The following GSN variants were observed in gnomAD, a reference collection of about 807,000 sequenced individuals.
GSN encodes the protein gelsolin, also known as actin-depolymerizing factor.
GSN carries 56 observed loss-of-function variants against 85.7 expected under a neutral mutation model. The observed-to-expected ratio is 0.65, with a 90% confidence interval of 0.53 to 0.82. GSN has a LOEUF of 0.82. Ranked by LOEUF, GSN falls within the 40% of genes least tolerant of loss-of-function variation. GSN has a pLI of 0.00. For synonymous variants in GSN, 373 were observed against 399.1 expected (o/e 0.93, Z 0.78); for missense variants, 857 against 979.8 (o/e 0.87, Z 1.67).
chr9:121,241,668 T>C (rs551214653), intron 5 of GSN, among the ~76,000 whole-genome samples: 35 of 152,348 alleles, frequency 2.3e-4, no homozygotes, highest in African/African-American at 8.2e-4. Flanking sequence ...TATTCTTCCA[T>C]GATGCCAGAT....
chr9:121,326,345 C>T (rs1234359675), intron 12 of GSN, among the ~76,000 whole-genome samples, 167 bp from the exon 13 acceptor site: 1 of 152,016 alleles, frequency 6.6e-6, no homozygotes, highest in African/African-American at 2.4e-5. Flanking sequence ...CTGTCTCCAC[C>T]CTTCCTGGAA....
At chr9:121,310,631 C>T in intron 4 of GSN, 53 bp from the exon 5 acceptor site, 1 of 1,577,538 alleles carries the variant, frequency 6.3e-7, no homozygotes, top group South Asian at 1.1e-5. Context: ...TCTTCCATAT[C>T]TGCTTCCCTG....
intron 4 of GSN, among the ~76,000 whole-genome samples, chr9:121,227,274 A>G (rs967688576): frequency 1.3e-5 from 2 of 152,046 alleles, no homozygotes; most frequent in Non-Finnish European, 2.9e-5. Flanking sequence ...CGTGCCTGTA[A>G]TCCCAGCTAC....
At chr9:121,280,532 C>A (rs1160054691) in intron 1 of GSN, 2 of 152,204 alleles carry the variant, frequency 1.3e-5, no homozygotes, top group East Asian at 3.8e-4. Flanking sequence ...TGCTGAGGTA[C>A]AGAGCTGCGA....
At position 121,299,395 on chromosome 9, in the gene GSN, A is replaced by G; in HGVS notation, c.-9-2568A>G. On this transcript the variant is annotated intron_variant, in intron 2 of 17. Coordinates refer to ENST00000432226, the MANE Select transcript of GSN (RefSeq NM_198252.3). This position sits in a 1 kb window ranked among gnomAD's most constrained non-coding sequence, Gnocchi z 4.2. ...CAAGCTGTGTGCAAGTTGCTTCACC[A>G]CTCTGCGCTGTTCCCCCCTCTGTAA... The G allele has an allele frequency of 1.0e-6, 1 of 974,122 alleles. No homozygotes were observed. Among genetic ancestry groups the G allele is most frequent in the Non-Finnish European group, 1.2e-6 (1 of 819,876 alleles). The allele number at this position is 974,122 out of a possible 1,614,324, so 60.3% of individuals were successfully genotyped here. A position where few individuals can be genotyped will look rare whatever the true frequency, so the allele number is the denominator to read the frequency against.
intron 5 of GSN, among the ~76,000 whole-genome samples, chr9:121,235,220 G>A (rs994062280): frequency 2.0e-5 from 3 of 152,218 alleles, no homozygotes; most frequent in African/African-American, 4.8e-5. Context: ...CCAGAGAAAA[G>A]TCGTGAGTTT....
chr9:121,304,650 T>C (rs559855223), intron 4 of GSN, among the ~76,000 whole-genome samples: 6 of 152,334 alleles, frequency 3.9e-5, no homozygotes, highest in African/African-American at 1.4e-4. Context: ...CACCAGCTCA[T>C]TGTTGCTACA....
intron 11 of GSN, 26 bp from the exon 12 acceptor site, chr9:121,324,528 A>C: frequency 8.1e-7 from 1 of 1,234,598 alleles, no homozygotes; most frequent in African/African-American, 1.5e-5. Context: ...GTGCACCCTG[A>C]TGCTGAATCT....
chr9:121,271,637 G>A (rs2055975847), intron 1 of GSN, among the ~76,000 whole-genome samples: 1 of 152,160 alleles, frequency 6.6e-6, no homozygotes, highest in Non-Finnish European at 1.5e-5. Flanking sequence ...AGGAGAACTG[G>A]TAAGGGAGTT....
At chr9:121,271,971 A>G (rs1588574266) in intron 1 of GSN, among the ~76,000 whole-genome samples, 1 of 152,376 alleles carries the variant, frequency 6.6e-6, no homozygotes, top group Admixed American at 6.5e-5. Flanking sequence ...CTCCTTGGTT[A>G]TTCCCTGAGA....
At chr9:121,287,066 T>A (rs906634376) in intron 2 of GSN, among the ~76,000 whole-genome samples, 1 of 152,076 alleles carries the variant, frequency 6.6e-6, no homozygotes, top group African/African-American at 2.4e-5. Context: ...AGACTCCAAG[T>A]CTTGGAGCCT....
At chr9:121,268,616 G>A (rs1193894289) in intron 1 of GSN, among the ~76,000 whole-genome samples, 3 of 152,166 alleles carry the variant, frequency 2.0e-5, no homozygotes, top group Non-Finnish European at 4.4e-5. Flanking sequence ...TGACTCTGCT[G>A]GGGAGTCCAC....
intron 5 of GSN, among the ~76,000 whole-genome samples, chr9:121,247,120 C>T (rs929950536): frequency 3.3e-5 from 5 of 151,190 alleles, no homozygotes; most frequent in South Asian, 2.1e-4. Flanking sequence ...TGGTTGACTG[C>T]GGAAAGTCAG....
Position 121,318,433 on chromosome 9 carries a change from A to C in GSN, c.914A>C (p.Lys305Thr). Residue 305 changes from lysine to threonine, a missense_variant, in exon 9 of 18, where the codon AAG becomes ACG. Lys to Thr is a moderately conservative substitution (Grantham distance 78). Coordinates refer to ENST00000432226, the MANE Select transcript of GSN (RefSeq NM_198252.3). This position sits in a 1 kb window ranked among gnomAD's most constrained non-coding sequence, Gnocchi z 4.3. ...AAGCAGGCAAACACGGAGGAGAGGA[A>C]GGCTGCCCTCAAAACAGCCTCTGAC... ...KGKQANTEERKAALKTASDFI... is the reference protein window; with the variant it reads ...KGKQANTEERTAALKTASDFI... The C allele has an allele frequency of 6.2e-7, 1 of 1,614,112 alleles. No homozygotes were observed. Among genetic ancestry groups the C allele is most frequent in the East Asian group, 2.2e-5 (1 of 44,862 alleles).
At chr9:121,251,023 G>T (rs1402221637) in intron 6 of GSN, among the ~76,000 whole-genome samples, 1 of 150,718 alleles carries the variant, frequency 6.6e-6, no homozygotes, top group East Asian at 1.9e-4. Context: ...TTGGGGTTTC[G>T]CCACATTGTC....
At chr9:121,259,332 A>T (rs2055031875) in intron 6 of GSN, among the ~76,000 whole-genome samples, 1 of 152,232 alleles carries the variant, frequency 6.6e-6, no homozygotes. Flanking sequence ...AAGTACTATG[A>T]TGGAGGCATG....
intron 2 of GSN, among the ~76,000 whole-genome samples, chr9:121,295,816 T>G (rs1169458737): frequency 6.6e-6 from 1 of 151,974 alleles, no homozygotes. Context: ...AGATCAGAGG[T>G]CAAGGAGATC....
At chr9:121,219,673 C>G (rs1254196581) in intron 4 of GSN, among the ~76,000 whole-genome samples, 1 of 152,196 alleles carries the variant, frequency 6.6e-6, no homozygotes, top group East Asian at 1.9e-4. Context: ...CAATCACACA[C>G]CCACCAGTGC....
chr9:121,326,552 G>A lies in GSN; in HGVS notation c.1457G>A (p.Ser486Asn). ...GGCAAGGAGCCCGCCCACCTCATGAGCCTGTTTGGTGGGAAGCCCATGATC... is the reference window on the plus strand; with the variant it reads ...GGCAAGGAGCCCGCCCACCTCATGAACCTGTTTGGTGGGAAGCCCATGATC... ...VQGKEPAHLMSLFGGKPMIIY... is the reference protein window; with the variant it reads ...VQGKEPAHLMNLFGGKPMIIY... Residue 486 changes from serine to asparagine, a missense_variant, in exon 13 of 18, where the codon AGC becomes AAC. Transcript: ENST00000432226. 1 of 1,614,084 alleles carries A rather than the reference G, an allele frequency of 6.2e-7. No individual in the cohort carries two copies. Among genetic ancestry groups the A allele is most frequent in the Non-Finnish European group, 8.5e-7 (1 of 1,180,018 alleles).
Sources: allele counts gnomAD v4.1 joint callset (sites outside exome capture counted in the v4.1 genomes callset), GRCh38; gene constraint gnomAD v4.1.1; non-coding constraint Gnocchi (gnomAD v3.1); transcripts MANE v1.5; gene names NCBI Gene and HGNC (gene_info 2026-07-23, HGNC 2026-07-21).